Variants in CNTNAP2 observed in about 807,000 individuals in gnomAD.
CNTNAP2 encodes the protein contactin-associated protein-like 2.
CNTNAP2 carries 98 observed loss-of-function variants against 155.2 expected under a neutral mutation model. That is an observed-to-expected ratio of 0.63 (90% CI 0.54 to 0.75). The LOEUF (loss-of-function observed/expected upper bound fraction) is 0.75. CNTNAP2 is among the 30% of genes least tolerant of loss of function. The pLI, the probability that CNTNAP2 is intolerant of heterozygous loss-of-function variation, is 0.00. For missense variants in CNTNAP2, 1,727 were observed against 1,688.1 expected (o/e 1.02, Z -0.40); for synonymous variants, 651 against 631.2 (o/e 1.03, Z -0.47).
At chr7:147,192,429 T>A (rs1036582957) in intron 8 of CNTNAP2, among the ~76,000 whole-genome samples, 11 of 152,290 alleles carry the variant, frequency 7.2e-5, no homozygotes, top group African/African-American at 2.4e-4. Context: ...ACTTCTATAT[T>A]CTGATCCATT....
chr7:146,523,910 T>C (rs1383658405), intron 1 of CNTNAP2, among the ~76,000 whole-genome samples: 1 of 152,190 alleles, frequency 6.6e-6, no homozygotes, highest in Non-Finnish European at 1.5e-5. Flanking sequence ...TTTCTTTTTC[T>C]ATTACATTTA....
intron 3 of CNTNAP2, among the ~76,000 whole-genome samples, chr7:146,874,158 C>A (rs1441222032): frequency 6.6e-6 from 1 of 151,620 alleles, no homozygotes; most frequent in African/African-American, 2.4e-5. Context: ...AATCTGATGC[C>A]AGGAAATAGG....
At chr7:147,354,192 G>A (rs1038672313) in intron 9 of CNTNAP2, among the ~76,000 whole-genome samples, 3 of 151,746 alleles carry the variant, frequency 2.0e-5, no homozygotes, top group African/African-American at 7.3e-5. Context: ...TTGGTGTTTT[G>A]GTCATGAAGT....
At chr7:147,561,225 G>A (rs1800059217) in intron 11 of CNTNAP2, among the ~76,000 whole-genome samples, 1 of 152,164 alleles carries the variant, frequency 6.6e-6, no homozygotes, top group Non-Finnish European at 1.5e-5. Flanking sequence ...CCCCTAAGGA[G>A]TGTAATTCAA....
At chr7:147,230,324 C>T (rs1280688206) in intron 8 of CNTNAP2, among the ~76,000 whole-genome samples, 5 of 152,092 alleles carry the variant, frequency 3.3e-5, no homozygotes, top group Non-Finnish European at 7.3e-5. Flanking sequence ...GTGGTGCGAT[C>T]TCAGCTCACT....
chr7:147,237,394 T>C (rs1803833276), intron 8 of CNTNAP2, among the ~76,000 whole-genome samples: 1 of 152,168 alleles, frequency 6.6e-6, no homozygotes, highest in South Asian at 2.1e-4. Context: ...TCTTGAATTG[T>C]ACTCTGGCAA....
At chr7:148,242,389 T>A (rs187942593) in intron 20 of CNTNAP2, among the ~76,000 whole-genome samples, 1 of 152,324 alleles carries the variant, frequency 6.6e-6, no homozygotes, top group East Asian at 1.9e-4. Context: ...AAGTCAGTCC[T>A]GGGATTGAGT....
At chr7:146,141,997 T>G (rs1236632752) in intron 1 of CNTNAP2, among the ~76,000 whole-genome samples, 1 of 152,226 alleles carries the variant, frequency 6.6e-6, no homozygotes, top group Non-Finnish European at 1.5e-5. Flanking sequence ...TGACAGCTGC[T>G]ATGACTTCTG....
chr7:148,019,320 A>T (rs1270961981), intron 15 of CNTNAP2, among the ~76,000 whole-genome samples: 1 of 152,182 alleles, frequency 6.6e-6, no homozygotes, highest in African/African-American at 2.4e-5. Context: ...TGGACCACCC[A>T]GTGTCCTTCC....
chr7:147,545,138 C>T (rs1242818297), intron 11 of CNTNAP2, among the ~76,000 whole-genome samples: 3 of 152,094 alleles, frequency 2.0e-5, no homozygotes, highest in Non-Finnish European at 2.9e-5. Flanking sequence ...TTTATTATTA[C>T]TGGATTTACT....
At chr7:147,002,433 C>T (rs939816850) in intron 3 of CNTNAP2, among the ~76,000 whole-genome samples, 1 of 152,024 alleles carries the variant, frequency 6.6e-6, no homozygotes, top group Admixed American at 6.6e-5. Flanking sequence ...CTATAGAATT[C>T]TGAAGGAGAT....
chr7:146,140,738 C>G (rs1797864785), intron 1 of CNTNAP2, among the ~76,000 whole-genome samples: 1 of 152,054 alleles, frequency 6.6e-6, no homozygotes, highest in Admixed American at 6.6e-5. Flanking sequence ...CACAAACAAC[C>G]ATGCGAAGAA....
chr7:146,283,423 A>G (rs1318047298), intron 1 of CNTNAP2, among the ~76,000 whole-genome samples: 1 of 152,064 alleles, frequency 6.6e-6, no homozygotes, highest in Non-Finnish European at 1.5e-5. Context: ...GCTGGAGTGC[A>G]GTTGTGGGAT....
At chr7:148,303,782 CA>C (rs1797437696) in intron 21 of CNTNAP2, among the ~76,000 whole-genome samples, 1 of 152,068 alleles carries the variant, frequency 6.6e-6, no homozygotes, top group South Asian at 2.1e-4. Flanking sequence ...GGACAAAGCC[CA>C]AGTCTAAATT....
At chr7:146,887,389 C>A (rs1795689517) in intron 3 of CNTNAP2, among the ~76,000 whole-genome samples, 1 of 151,956 alleles carries the variant, frequency 6.6e-6, no homozygotes, top group Non-Finnish European at 1.5e-5. Flanking sequence ...GTTGGCCAGG[C>A]TGGTCTCCAA....
intron 11 of CNTNAP2, among the ~76,000 whole-genome samples, chr7:147,497,634 G>A (rs2888491): frequency 0.29 from 43,542 of 152,050 alleles, 6,367 homozygotes; most frequent in East Asian, 0.43. Flanking sequence ...AGAAAAGCCT[G>A]TGTGTGTTTT....
intron 3 of CNTNAP2, among the ~76,000 whole-genome samples, chr7:146,935,156 C>T (rs924563340): frequency 2.6e-5 from 4 of 152,190 alleles, no homozygotes; most frequent in African/African-American, 9.6e-5. Context: ...AAGAAGATGG[C>T]ATCCTTGATG....
At chr7:146,590,097 T>C (rs1457404612) in intron 1 of CNTNAP2, among the ~76,000 whole-genome samples, 1 of 152,186 alleles carries the variant, frequency 6.6e-6, no homozygotes, top group Non-Finnish European at 1.5e-5. Flanking sequence ...GGCTTCGTTG[T>C]CTTCTCACAT....
intron 8 of CNTNAP2, among the ~76,000 whole-genome samples, chr7:147,234,477 A>G (rs1482596109): frequency 6.6e-6 from 1 of 151,376 alleles, no homozygotes; most frequent in African/African-American, 2.4e-5. Context: ...AGCTGGGACT[A>G]CAGGCGCCTG....
Sources: gnomAD v4.1 joint callset for allele counts (sites outside exome capture counted in the v4.1 genomes callset) on GRCh38, gnomAD v4.1.1 for gene constraint, MANE v1.5 for transcripts, NCBI Gene and HGNC (gene_info 2026-07-23, HGNC 2026-07-21) for gene names.